Variants in HDX observed in about 807,000 individuals in gnomAD.
HDX encodes the protein chromosome X open reading frame 43.
Under a neutral mutation model 45.2 loss-of-function variants are expected in HDX, and 19 were observed. That is an observed-to-expected ratio of 0.42 (90% CI 0.29 to 0.62). The LOEUF is 0.62. Among genes scored for constraint, HDX ranks in the 20% least tolerant of loss-of-function variants. The pLI is 0.20. For missense variants in HDX, 532 were observed against 493.9 expected, an observed-to-expected ratio of 1.08 and a Z score of -0.73; for synonymous variants, 188 against 172.8, an observed-to-expected ratio of 1.09 and a Z score of -0.69.
At chrX:84,354,928 CACATATATAT>C (rs1355114212) in intron 6 of HDX, among the ~76,000 whole-genome samples, 2 of 21,378 alleles carry the variant, frequency 9.4e-5, no homozygotes, top group Non-Finnish European at 1.6e-4. Flanking sequence ...TACACACACA[CACATATATAT>C]ATATATATAT....
chrX:84,364,660 G>A (rs1252669326), intron 5 of HDX, among the ~76,000 whole-genome samples: 2 of 107,700 alleles, frequency 1.9e-5, no homozygotes, highest in Non-Finnish European at 3.8e-5. Context: ...CCGCCTCCAC[G>A]CCCAGCTAAT....
At chrX:84,392,549 C>T (rs1462419350) in intron 5 of HDX, among the ~76,000 whole-genome samples, 1 of 110,816 alleles carries the variant, frequency 9.0e-6, no homozygotes, top group Admixed American at 9.6e-5. Context: ...AATATGTGTG[C>T]ATGGGGTGTC....
Position 84,468,845 on chromosome X carries a change from C to A in HDX, c.878G>T (p.Cys293Phe), listed in dbSNP as rs1370166505. The A allele has an allele frequency of 3.3e-6, 4 of 1,209,759 alleles. No homozygotes were observed. Among genetic ancestry groups the A allele is most frequent in the Non-Finnish European group, 4.5e-6 (4 of 895,163 alleles). Residue 293 changes from cysteine (C) to phenylalanine (F), a missense_variant, in exon 4 of 11, where the codon TGT becomes TTT. By Grantham distance (205) the Cys-to-Phe change is radical. This residue lies in a region of HDX where 376 missense variants were observed against 343.7 expected (regional missense o/e 1.09). Coordinates refer to ENST00000373177, the MANE Select transcript of HDX (RefSeq NM_001177479.2). ...PQKPSSAEGN[C>F]LSIAMETGDA... ...TCCAGTCTCCATTGCAATGGACAAACAATTTCCTTCTGCTGAGCTAGGCTT... is the reference window on the plus strand; with the variant it reads ...TCCAGTCTCCATTGCAATGGACAAAAAATTTCCTTCTGCTGAGCTAGGCTT...
At chrX:84,452,113 G>A (rs1390791597) in intron 4 of HDX, among the ~76,000 whole-genome samples, 1 of 111,237 alleles carries the variant, frequency 9.0e-6, no homozygotes, top group South Asian at 3.8e-4. Flanking sequence ...AAGAAGATAA[G>A]CATGCCTATT....
Position 84,468,770 on chromosome X carries a change from G to A in HDX, c.953C>T (p.Ala318Val), listed in dbSNP as rs770626127. 44 of 1,209,372 alleles carry A rather than the reference G, an allele frequency of 3.6e-5. No individual in the cohort carries two copies. In the South Asian group the frequency reaches 7.6e-4, roughly 21 times the overall value. ...AREEELASMRAQIPSYSRFYE... is the reference protein window; with the variant it reads ...AREEELASMRVQIPSYSRFYE... ...AAATCTCGAATAGCTTGGTATCTGT[G>A]CTCTCATCGATGCCAGCTCTTCCTC... The change falls in exon 4 of 11, where the codon GCA becomes GTA. Residue 318 changes from alanine to valine, a missense_variant. By Grantham distance (64) the Ala-to-Val change is moderately conservative (BLOSUM62 0). Around this residue, in one of 3 missense-constraint regions of HDX, gnomAD observed 376 missense variants for 343.7 expected, o/e 1.09. Coordinates refer to ENST00000373177, the MANE Select transcript of HDX (RefSeq NM_001177479.2).
At chrX:84,433,586 C>G (rs141504201) in intron 5 of HDX, among the ~76,000 whole-genome samples, 436 of 111,792 alleles carry the variant, frequency 3.9e-3, no homozygotes, top group African/African-American at 0.014. Flanking sequence ...GTGGTGACTA[C>G]AGCTTTGTAG....
At chrX:84,462,751 GA>G (rs1247182276) in intron 4 of HDX, among the ~76,000 whole-genome samples, 2 of 111,144 alleles carry the variant, frequency 1.8e-5, no homozygotes, top group East Asian at 5.7e-4. Context: ...TAATGAAATA[GA>G]AATTTTCTCT....
chrX:84,370,548 G>A (rs1338382457), intron 5 of HDX, among the ~76,000 whole-genome samples: 1 of 111,963 alleles, frequency 8.9e-6, no homozygotes, highest in Non-Finnish European at 1.9e-5. Context: ...CTGGAGTTCT[G>A]GCATCCAAAT....
chrX:84,364,826 A>G (rs7884474), intron 5 of HDX, among the ~76,000 whole-genome samples: 8 of 110,747 alleles, frequency 7.2e-5, no homozygotes, highest in African/African-American at 2.3e-4. Context: ...TGACTATTTT[A>G]GATTCCTCAT....
intron 10 of HDX, among the ~76,000 whole-genome samples, chrX:84,322,334 AGT>A (rs997710763): frequency 4.5e-5 from 5 of 110,950 alleles, no homozygotes; most frequent in African/African-American, 1.6e-4. Flanking sequence ...ACTAGTTTTG[AGT>A]GTGCATTGAT....
At chrX:84,329,717 T>C (rs777142318) in intron 9 of HDX, among the ~76,000 whole-genome samples, 1 of 111,766 alleles carries the variant, frequency 8.9e-6, no homozygotes, top group Non-Finnish European at 1.9e-5. Context: ...ATAAAGTCTA[T>C]CCCAAAGGGG....
chrX:84,358,549 C>T (rs1204713328), intron 6 of HDX, among the ~76,000 whole-genome samples: 1 of 111,668 alleles, frequency 9.0e-6, no homozygotes, highest in Non-Finnish European at 1.9e-5. Flanking sequence ...CTTCTCTCTC[C>T]TTGTTAGTAT....
At chrX:84,356,136 A>G (rs1015281803) in intron 6 of HDX, among the ~76,000 whole-genome samples, 4 of 111,873 alleles carry the variant, frequency 3.6e-5, no homozygotes, top group Admixed American at 9.5e-5. Flanking sequence ...ATGGTTAACT[A>G]GACATCCTAA....
intron 4 of HDX, among the ~76,000 whole-genome samples, chrX:84,456,414 A>T (rs1195605320): frequency 9.0e-6 from 1 of 111,521 alleles, no homozygotes; most frequent in Non-Finnish European, 1.9e-5. Context: ...AAATGAAAAC[A>T]TAGCACCAGA....
chrX:84,359,655 G>A (rs2037571348), intron 6 of HDX, among the ~76,000 whole-genome samples: 1 of 111,697 alleles, frequency 9.0e-6, no homozygotes, highest in African/African-American at 3.3e-5. Flanking sequence ...ATGAACATAC[G>A]TGTGCATGTA....
intron 5 of HDX, among the ~76,000 whole-genome samples, chrX:84,418,121 C>T (rs1011340715): frequency 3.6e-5 from 4 of 111,919 alleles, no homozygotes; most frequent in Non-Finnish European, 7.5e-5. Context: ...CATTCAAAGT[C>T]AGTCCATAGG....
chrX:84,372,272 T>C (rs780618613), intron 5 of HDX, among the ~76,000 whole-genome samples: 1 of 112,090 alleles, frequency 8.9e-6, no homozygotes, highest in Non-Finnish European at 1.9e-5. Flanking sequence ...CATTTTAAAA[T>C]ATTAAGTATT....
intron 5 of HDX, among the ~76,000 whole-genome samples, chrX:84,410,948 A>G (rs4307478): frequency 0.19 from 20,725 of 110,742 alleles, 1,931 homozygotes; most frequent in East Asian, 0.68. Context: ...TCTAATTTGT[A>G]TGCATAGAGG....
intron 4 of HDX, among the ~76,000 whole-genome samples, chrX:84,457,403 A>G (rs1225439548): frequency 8.9e-6 from 1 of 111,845 alleles, no homozygotes; most frequent in African/African-American, 3.2e-5. Context: ...AATAACACAT[A>G]TTGTACTCCA....
Sources: gnomAD v4.1 joint callset for allele counts (sites outside exome capture counted in the v4.1 genomes callset) on GRCh38, gnomAD v4.1.1 for gene constraint, gnomAD v4.1.1 regional missense constraint, MANE v1.5 for transcripts, NCBI Gene and HGNC (gene_info 2026-07-23, HGNC 2026-07-21) for gene names.